Variants in KCNK10 observed in about 807,000 individuals in gnomAD.
The protein encoded by KCNK10 is potassium two pore domain channel subfamily K member 10, also known as potassium channel subfamily K member 10.
Under a neutral mutation model 47.7 loss-of-function variants are expected in KCNK10, and 25 were observed. That is an observed-to-expected ratio of 0.52 (90% CI 0.38 to 0.73). The LOEUF (loss-of-function observed/expected upper bound fraction) is 0.73, where lower values mean the gene tolerates loss of function less well. KCNK10 is among the 30% of genes least tolerant of loss of function. The probability of loss-of-function intolerance (pLI) is 0.00; values close to 1 mark genes in which losing one functional copy is unlikely to be tolerated. For synonymous variants in KCNK10, 303 were observed against 285.6 expected, an observed-to-expected ratio of 1.06 and a Z score of -0.61; for missense variants, 563 against 714.5, an observed-to-expected ratio of 0.79 and a Z score of 2.42.
chr14:88,217,481 T>C (rs554678316), intron 4 of KCNK10, among the ~76,000 whole-genome samples: 2 of 152,338 alleles, frequency 1.3e-5, no homozygotes, highest in Non-Finnish European at 2.9e-5. Context: ...GAACCTACAA[T>C]GCTGAAAATA....
Position 88,287,674 on chromosome 14 carries a change from G to GGTGT in KCNK10, c.53-24127_53-24124dup, listed in dbSNP as rs199702993. ...TTTTTATGGCTGAATAGTATTCCAT[G>GGTGT]GTGTGTGTGTGTGTGTGTGTGTGTG... On this transcript the variant is annotated intron_variant, in intron 1 of 6. Coordinates refer to ENST00000319231, the MANE Select transcript of KCNK10 (RefSeq NM_138317.3). Among the ~76,000 whole-genome samples, 202 of 141,622 alleles carry GGTGT rather than the reference G, an allele frequency of 1.4e-3. 1 individual carries two copies. The highest frequency in any genetic ancestry group is 1.7e-3 in the African/African-American group (65 of 37,848). The allele number at this position is 141,622 out of a possible 152,430, so 92.9% of individuals were successfully genotyped here. A position where few individuals can be genotyped will look rare whatever the true frequency, so the allele number is the denominator to read the frequency against.
At chr14:88,303,317 C>A (rs1220690470) in intron 1 of KCNK10, among the ~76,000 whole-genome samples, 1 of 152,164 alleles carries the variant, frequency 6.6e-6, no homozygotes, top group Admixed American at 6.5e-5. Flanking sequence ...CAACAGGCAG[C>A]TGAAAGCATC....
intron 1 of KCNK10, among the ~76,000 whole-genome samples, chr14:88,279,640 G>C (rs529058920): frequency 6.6e-6 from 1 of 152,060 alleles, no homozygotes; most frequent in South Asian, 2.1e-4. Flanking sequence ...TGGATATCTG[G>C]TATTTTATCT....
At chr14:88,244,583 G>A (rs1035090475) in intron 2 of KCNK10, among the ~76,000 whole-genome samples, 1 of 152,056 alleles carries the variant, frequency 6.6e-6, no homozygotes, top group Non-Finnish European at 1.5e-5. Flanking sequence ...CAGGAGAATG[G>A]CGTGAACCTG....
chr14:88,296,304 GT>G (rs1174355076), intron 1 of KCNK10, among the ~76,000 whole-genome samples: 7 of 152,192 alleles, frequency 4.6e-5, no homozygotes, highest in Non-Finnish European at 2.9e-5. Flanking sequence ...CCTTGGACAA[GT>G]TTTTTACCCT....
At chr14:88,297,054 T>C (rs1243086039) in intron 1 of KCNK10, among the ~76,000 whole-genome samples, 1 of 152,204 alleles carries the variant, frequency 6.6e-6, no homozygotes, top group African/African-American at 2.4e-5. Context: ...ATAGAACATT[T>C]CTCTTGGAGA....
chr14:88,240,883 A>C lies in KCNK10; in HGVS notation c.403-63T>G, dbSNP rs1209981261. On this transcript the variant is annotated intron_variant, in intron 2 of 6. Transcript: ENST00000319231. ...AAGTTGTTTATTTTTTTTTTCTTCA[A>C]AAAAAAAAAAGGTTCCAATACATTA... 210 of 690,774 alleles carry C rather than the reference A, an allele frequency of 3.0e-4. No homozygotes were observed. The East Asian group carries it at 7.9e-3, about 26-fold the overall frequency. The allele number at this position is 690,774 out of a possible 1,614,324, so 42.8% of individuals were successfully genotyped here.
At position 88,322,657 on chromosome 14, in the gene KCNK10, G is replaced by A; in HGVS notation, c.52+90C>T. 3 of 1,550,242 alleles carry A rather than the reference G, an allele frequency of 1.9e-6. No individual in the cohort carries two copies. Among genetic ancestry groups the A allele is most frequent in the Non-Finnish European group, 2.7e-6 (3 of 1,123,426 alleles). On this transcript the variant is annotated intron_variant, in intron 1 of 6. Transcript: ENST00000319231. This position sits in a 1 kb window ranked among gnomAD's most constrained non-coding sequence, Gnocchi z 4.8. ...ATTTCCCAGCCTCAGGACACACGCT[G>A]CCAGAAGCAAGAGTGCTTCCACTCA...
At chr14:88,207,859 G>T (rs952914090) in intron 4 of KCNK10, among the ~76,000 whole-genome samples, 1 of 152,130 alleles carries the variant, frequency 6.6e-6, no homozygotes, top group East Asian at 1.9e-4. Context: ...TTTGGGGGGG[G>T]TGTTGACCTC....
At chr14:88,205,364 A>T (rs1160556137) in intron 4 of KCNK10, among the ~76,000 whole-genome samples, 2 of 151,902 alleles carry the variant, frequency 1.3e-5, no homozygotes, top group Non-Finnish European at 2.9e-5. Flanking sequence ...AGCCCTCTCC[A>T]GTTCTTGCTC....
At chr14:88,313,490 T>G (rs1381200511) in intron 1 of KCNK10, among the ~76,000 whole-genome samples, 1 of 152,216 alleles carries the variant, frequency 6.6e-6, no homozygotes, top group East Asian at 1.9e-4. Context: ...GAATCACTTG[T>G]TCTTGGGGAA....
chr14:88,246,459 C>T (rs1348731167), intron 2 of KCNK10, among the ~76,000 whole-genome samples: 1 of 152,194 alleles, frequency 6.6e-6, no homozygotes, highest in Non-Finnish European at 1.5e-5. Context: ...CGAAGAGCCT[C>T]GGGTTTGAAG....
intron 1 of KCNK10, among the ~76,000 whole-genome samples, chr14:88,273,817 T>C (rs531739118): frequency 1.3e-5 from 2 of 152,298 alleles, no homozygotes; most frequent in South Asian, 4.1e-4. Flanking sequence ...TGCCCTAAGT[T>C]TTTTCCTCCA....
intron 3 of KCNK10, among the ~76,000 whole-genome samples, chr14:88,233,524 G>T (rs947822010): frequency 1.3e-5 from 2 of 152,174 alleles, no homozygotes; most frequent in Non-Finnish European, 2.9e-5. Flanking sequence ...CATGGGGAAG[G>T]GAACCACTGG....
rs939854065 is a variant in KCNK10 at position 88,238,547 on chromosome 14, C to A, written c.520+2156G>T. 7.8e-4 allele frequency among the ~76,000 whole-genome samples: 119 copies of A among 152,106 alleles called. 2 individuals carry two copies. The highest frequency in any genetic ancestry group is 1.2e-4 in the Non-Finnish European group (8 of 68,036). ...AAAATTAGCCAGGAATGGTGATGCA[C>A]ACTAGTAGTCTGAGCTACTTAGGGG... On this transcript the variant is annotated intron_variant, in intron 3 of 6. Transcript: ENST00000319231.
chr14:88,217,337 G>A (rs1234155425), intron 4 of KCNK10, among the ~76,000 whole-genome samples: 2 of 152,076 alleles, frequency 1.3e-5, no homozygotes, highest in Non-Finnish European at 2.9e-5. Context: ...ACTACTGAAA[G>A]GCAGCCATTT....
intron 2 of KCNK10, among the ~76,000 whole-genome samples, chr14:88,242,299 T>A (rs1390246004): frequency 1.3e-5 from 2 of 152,228 alleles, no homozygotes; most frequent in Non-Finnish European, 2.9e-5. Flanking sequence ...AACAACTTTT[T>A]CCATAAAGGG....
At chr14:88,242,474 G>C (rs1052783041) in intron 2 of KCNK10, among the ~76,000 whole-genome samples, 5 of 152,180 alleles carry the variant, frequency 3.3e-5, no homozygotes, top group African/African-American at 1.2e-4. Flanking sequence ...CAATTGACTG[G>C]ATGATACAGG....
rs974976348 is a variant in KCNK10, at chr14:88,184,889, GT to G, written c.*645del. 7 of 152,886 alleles carry G rather than the reference GT, an allele frequency of 4.6e-5. No individual in the cohort carries two copies. The highest frequency in any genetic ancestry group is 7.2e-5 in the African/African-American group (3 of 41,414). The allele number at this position is 152,886 out of a possible 1,614,324, so 9.5% of individuals were successfully genotyped here. A position where few individuals can be genotyped will look rare whatever the true frequency, so the allele number is the denominator to read the frequency against. On this transcript the variant is annotated 3_prime_UTR_variant, in exon 7 of 7. Coordinates refer to ENST00000319231, the MANE Select transcript of KCNK10 (RefSeq NM_138317.3). ...GTGATATCCACAGTGTGATGTGTTT[GT>G]GATTATTTTTTTTCTTTTGTCATGA...
Sources: allele counts gnomAD v4.1 joint callset (sites outside exome capture counted in the v4.1 genomes callset), GRCh38; gene constraint gnomAD v4.1.1; non-coding constraint Gnocchi (gnomAD v3.1); transcripts MANE v1.5; gene names NCBI Gene and HGNC (gene_info 2026-07-23, HGNC 2026-07-21).